Variants in WWP1 observed in about 807,000 individuals in gnomAD.
WWP1 encodes WW domain containing E3 ubiquitin protein ligase 1.
WWP1 carries 49 observed loss-of-function variants against 130.6 expected under a neutral mutation model. That is an observed-to-expected ratio of 0.38 (90% CI 0.30 to 0.48). WWP1 has a LOEUF of 0.48. Ranked by LOEUF, WWP1 falls within the 20% of genes least tolerant of loss-of-function variation. The pLI is 0.99. For synonymous variants in WWP1, 332 were observed against 367.8 expected, an observed-to-expected ratio of 0.90 and a Z score of 1.11; for missense variants, 809 against 1,100.6, an observed-to-expected ratio of 0.74 and a Z score of 3.75.
At chr8:86,408,934 C>A (rs1398585445) in intron 8 of WWP1, among the ~76,000 whole-genome samples, 1 of 151,672 alleles carries the variant, frequency 6.6e-6, no homozygotes, top group Non-Finnish European at 1.5e-5. Flanking sequence ...TTTTTTTCTT[C>A]GGATAGGTCT....
chr8:86,365,267 T>C (rs1191703173), intron 1 of WWP1, among the ~76,000 whole-genome samples: 4 of 152,140 alleles, frequency 2.6e-5, no homozygotes, highest in Non-Finnish European at 4.4e-5. Context: ...CTCATAGAAA[T>C]ACTTCCTAAA....
intron 11 of WWP1, among the ~76,000 whole-genome samples, chr8:86,429,416 C>G (rs190861833): frequency 6.6e-6 from 1 of 152,142 alleles, no homozygotes; most frequent in East Asian, 1.9e-4. Flanking sequence ...TTAACTGGGT[C>G]TGTTACAAGA....
chr8:86,438,136 A>G (rs1198599535), intron 16 of WWP1, among the ~76,000 whole-genome samples: 1 of 152,232 alleles, frequency 6.6e-6, no homozygotes, highest in Non-Finnish European at 1.5e-5. Flanking sequence ...AAGCTAGAGA[A>G]AAGAAAATTT....
chr8:86,420,871 G>T (rs1809165024), intron 9 of WWP1, among the ~76,000 whole-genome samples: 2 of 152,188 alleles, frequency 1.3e-5, no homozygotes, highest in African/African-American at 4.8e-5. Context: ...AAGGATATTT[G>T]TGAAGAAACA....
intron 14 of WWP1, among the ~76,000 whole-genome samples, chr8:86,433,332 C>T (rs890936116): frequency 6.7e-6 from 1 of 148,662 alleles, no homozygotes; most frequent in African/African-American, 2.5e-5. Context: ...ACAAATTTAG[C>T]TCAGACTTCT....
rs1563465208 is a variant in WWP1, at chr8:86,362,003, CACACAT to C, written c.-114-6934_-114-6929del. 9.7e-4 allele frequency among the ~76,000 whole-genome samples: 69 copies of C among 71,480 alleles called. 1 individual carries two copies. Among genetic ancestry groups the C allele is most frequent in the East Asian group, 6.7e-3 (12 of 1,802 alleles). 46.9% of individuals were successfully genotyped at this position (71,480 alleles called of 152,430 possible). On this transcript the variant is annotated intron_variant, in intron 1 of 24. Transcript: ENST00000517970. ...ATATATATATATATACATATATATA[CACACAT>C]ATATATATACACATATATATACACA...
At chr8:86,420,571 A>G (rs1406165369) in intron 9 of WWP1, among the ~76,000 whole-genome samples, 2 of 152,184 alleles carry the variant, frequency 1.3e-5, no homozygotes, top group Non-Finnish European at 2.9e-5. Context: ...ATAAAAAGTC[A>G]ATACATTATG....
At chr8:86,343,977 A>G (rs1586216028) in intron 1 of WWP1, among the ~76,000 whole-genome samples, 3 of 152,070 alleles carry the variant, frequency 2.0e-5, no homozygotes, top group South Asian at 4.1e-4. Flanking sequence ...TTTTTTAACA[A>G]GAGTTCATGT....
At position 86,398,326 on chromosome 8, in the gene WWP1, A is replaced by G; in HGVS notation, c.335-16A>G. The G allele has an allele frequency of 6.4e-7, 1 of 1,566,702 alleles. No individual in the cohort carries two copies. Among genetic ancestry groups the G allele is most frequent in the Non-Finnish European group, 8.6e-7 (1 of 1,156,778 alleles). ...ATGTGGCAAAAGCTTTTAAATTAGA[A>G]TATTCTTCTTTCTAGTGGAAAGAGT... is the stretch of plus-strand genomic sequence containing the variant. On this transcript the variant is annotated splice_polypyrimidine_tract_variant and intron_variant, in intron 5 of 24. Transcript: ENST00000517970.
rs35874775 is a variant in WWP1 at position 86,436,419 on chromosome 8, A to G, written c.1749+715A>G. The stretch of plus-strand genomic sequence containing the variant: ...CAGAGAGACCTTCTCTGAGCCTACT[A>G]TTTTAAGATGGCAGTCCTTCTCTTC... On this transcript the variant is annotated intron_variant, in intron 16 of 24. Coordinates refer to ENST00000517970, the MANE Select transcript of WWP1 (RefSeq NM_007013.4). 8.6e-3 allele frequency among the ~76,000 whole-genome samples: 1,314 copies of G among 152,236 alleles called. 8 individuals carry two copies. The highest frequency in any genetic ancestry group is 0.022 in the South Asian group (106 of 4,816).
chr8:86,402,488 C>T (rs1407593252), intron 8 of WWP1, among the ~76,000 whole-genome samples: 1 of 152,138 alleles, frequency 6.6e-6, no homozygotes, highest in Non-Finnish European at 1.5e-5. Context: ...CAGAGTTTCA[C>T]TTTTTTGGCA....
intron 23 of WWP1, chr8:86,461,557 G>A (rs1160865016): frequency 4.3e-5 from 27 of 625,520 alleles, no homozygotes; most frequent in Non-Finnish European, 3.7e-5. Flanking sequence ...TGTGAAGGGA[G>A]CGACATTCTG....
intron 1 of WWP1, among the ~76,000 whole-genome samples, chr8:86,356,740 A>G (rs1474765351): frequency 6.6e-6 from 1 of 152,180 alleles, no homozygotes; most frequent in Non-Finnish European, 1.5e-5. Context: ...TTTCTAGTAA[A>G]CATAGTAACT....
intron 24 of WWP1, among the ~76,000 whole-genome samples, chr8:86,462,835 A>G (rs1339855985): frequency 6.6e-6 from 1 of 152,150 alleles, no homozygotes; most frequent in East Asian, 1.9e-4. Flanking sequence ...AGTGGCACCA[A>G]ACTGCTACCT....
chr8:86,379,419 T>C (rs1824858489), intron 3 of WWP1, among the ~76,000 whole-genome samples: 1 of 152,204 alleles, frequency 6.6e-6, no homozygotes, highest in Non-Finnish European at 1.5e-5. Flanking sequence ...TCTCTCACAA[T>C]AGAATGGAAG....
intron 9 of WWP1, among the ~76,000 whole-genome samples, chr8:86,415,779 A>G (rs1180849817): frequency 2.0e-5 from 3 of 152,222 alleles, no homozygotes; most frequent in Non-Finnish European, 4.4e-5. Flanking sequence ...TCTAATCAGC[A>G]TGATGTAACC....
rs1824131740 is a variant in WWP1 at position 86,368,922 on chromosome 8, T to C, written c.-114-17T>C. 1 of 152,220 alleles carries C rather than the reference T, an allele frequency of 6.6e-6. No individual in the cohort carries two copies. Among genetic ancestry groups the C allele is most frequent in the African/African-American group, 2.4e-5 (1 of 41,472 alleles). 9.4% of individuals were successfully genotyped at this position (152,220 alleles called of 1,614,324 possible). ...TTTTAGGAATTATCACACTGAAAGC[T>C]ATTTATTTGTTTACAGGGTTGTCTC... On this transcript the variant is annotated splice_polypyrimidine_tract_variant and intron_variant, in intron 1 of 24. Coordinates refer to ENST00000517970, the MANE Select transcript of WWP1 (RefSeq NM_007013.4).
At chr8:86,397,444 A>T (rs1363479976) in intron 5 of WWP1, among the ~76,000 whole-genome samples, 1 of 151,850 alleles carries the variant, frequency 6.6e-6, no homozygotes, top group Admixed American at 6.6e-5. Context: ...TCAAATACTT[A>T]TTTTTTTTGT....
chr8:86,369,819 A>G (rs1423802389), intron 2 of WWP1, among the ~76,000 whole-genome samples: 1 of 152,170 alleles, frequency 6.6e-6, no homozygotes, highest in Non-Finnish European at 1.5e-5. Context: ...CTTCTTTTGC[A>G]TCACAGGCCC....
Sources: gnomAD v4.1 joint callset for allele counts (sites outside exome capture counted in the v4.1 genomes callset) on GRCh38, gnomAD v4.1.1 for gene constraint, MANE v1.5 for transcripts, NCBI Gene and HGNC (gene_info 2026-07-23, HGNC 2026-07-21) for gene names.